The following DIP2C variants were observed in gnomAD, a reference collection of about 807,000 sequenced individuals.
The protein encoded by DIP2C is disco-interacting protein 2 homolog C.
Under a neutral mutation model 192.4 loss-of-function variants are expected in DIP2C, and 33 were observed. The observed-to-expected ratio is 0.17, with a 90% CI of 0.13 to 0.23. DIP2C has a LOEUF of 0.23. DIP2C is among the 10% of genes least tolerant of loss of function. The pLI is 1.00. For missense variants in DIP2C, 1,537 were observed against 2,110.1 expected (o/e 0.73, Z 5.32); for synonymous variants, 979 against 864.1 (o/e 1.13, Z -2.33).
At chr10:418,288 C>CCACCTA (rs1184026001) in intron 6 of DIP2C, among the ~76,000 whole-genome samples, 2 of 139,090 alleles carry the variant, frequency 1.4e-5, no homozygotes, top group African/African-American at 5.3e-5. Context: ...GCATCCCCGT[C>CCACCTA]CACCTGTCGG....
chr10:312,117 C>G (rs1017648631), intron 31 of DIP2C, among the ~76,000 whole-genome samples: 1 of 152,204 alleles, frequency 6.6e-6, no homozygotes, highest in Non-Finnish European at 1.5e-5. Context: ...GCGCTGGGCT[C>G]TCACACGGTC....
chr10:326,114 G>C lies in DIP2C; in HGVS notation c.3924+892C>G, dbSNP rs574431278. On this transcript the variant is annotated intron_variant, in intron 31 of 36. Transcript: ENST00000280886. ...GAGGGTTGCTTGAGCCTGGGAGCGG[G>C]GGGCAGGGGGTTGAGGCTGCAGTGA... Among the ~76,000 whole-genome samples the C allele has an allele frequency of 3.3e-5, 5 of 152,258 alleles. No homozygotes were observed. The East Asian group carries it at 5.8e-4, about 18-fold the overall frequency.
intron 1 of DIP2C, among the ~76,000 whole-genome samples, chr10:661,693 C>A (rs750401833): frequency 2.0e-5 from 3 of 152,200 alleles, no homozygotes; most frequent in Non-Finnish European, 2.9e-5. Context: ...CTTTGGCCTC[C>A]TCTCTCCCGA....
At chr10:347,249 C>A (rs1174369911) in intron 26 of DIP2C, among the ~76,000 whole-genome samples, 1 of 127,486 alleles carries the variant, frequency 7.8e-6, no homozygotes, top group South Asian at 2.9e-4. Flanking sequence ...CCGGAAACCC[C>A]ACACGCACCC....
Position 689,444 on chromosome 10 carries a change from G to C in DIP2C, c.85+50C>G. On this transcript the variant is annotated intron_variant, in intron 1 of 36. Coordinates refer to ENST00000280886, the MANE Select transcript of DIP2C (RefSeq NM_014974.3). This position sits in a 1 kb window ranked among gnomAD's most constrained non-coding sequence, Gnocchi z 6.1. ...CCCGCGCCCCCAGCCCTCCGCGCGC[G>C]GCCCTCCCCGGTGACAGCGCGGCCC... 9.7e-7 allele frequency: 1 copy of C among 1,030,808 alleles called. No homozygotes were observed. Among genetic ancestry groups the C allele is most frequent in the Non-Finnish European group, 1.2e-6 (1 of 855,668 alleles). 63.9% of individuals were successfully genotyped at this position (1,030,808 alleles called of 1,614,324 possible). A position where few individuals can be genotyped will look rare whatever the true frequency, so the allele number is the denominator to read the frequency against.
intron 29 of DIP2C, chr10:340,670 T>A (rs769872492): frequency 1.4e-5 from 6 of 429,934 alleles, no homozygotes; most frequent in Non-Finnish European, 2.9e-5. Flanking sequence ...TTTCTGGTCA[T>A]TCATTCATCC....
chr10:379,317 C>A lies in DIP2C; in HGVS notation c.1991+3330G>T, dbSNP rs146646623. Reference sequence around the variant, plus strand: ...CTCCCGGAAGTGCCCGTGCATCCTGCGTATTTATCAAGCGGGATACTGGAG... The same window carrying A: ...CTCCCGGAAGTGCCCGTGCATCCTGAGTATTTATCAAGCGGGATACTGGAG... On this transcript the variant is annotated intron_variant, in intron 17 of 36. Coordinates refer to ENST00000280886, the MANE Select transcript of DIP2C (RefSeq NM_014974.3). 7.9e-5 allele frequency among the ~76,000 whole-genome samples: 12 copies of A among 151,570 alleles called. No homozygotes were observed. In the East Asian group the frequency reaches 1.6e-3, roughly 20 times the overall value.
chr10:443,681 C>A (rs751835781), intron 3 of DIP2C, among the ~76,000 whole-genome samples: 1 of 152,214 alleles, frequency 6.6e-6, no homozygotes, highest in Non-Finnish European at 1.5e-5. Context: ...CCATTCCAGG[C>A]TTTGGCCTTT....
rs1168549984 is a variant in DIP2C, at chr10:552,686, T to TA, written c.86-66157dup. The stretch of plus-strand genomic sequence containing the variant: ...TAACACGGTGAAACCCCGTCTCTAG[T>TA]AAAAATACAAAAAATTAGCCAGGTG... On this transcript the variant is annotated intron_variant, in intron 1 of 36. Coordinates refer to ENST00000280886, the MANE Select transcript of DIP2C (RefSeq NM_014974.3). 6.6e-5 allele frequency among the ~76,000 whole-genome samples: 10 copies of TA among 152,234 alleles called. No homozygotes were observed. The East Asian group carries it at 1.9e-3, about 29-fold the overall frequency.
chr10:414,852 T>TTGTGTGTGTGTGTGTGTGTG lies in DIP2C; in HGVS notation c.860-762_860-743dup, dbSNP rs748231177. Among the ~76,000 whole-genome samples, 18 of 98,856 alleles carry TTGTGTGTGTGTGTGTGTGTG rather than the reference T, an allele frequency of 1.8e-4. 2 individuals carry two copies. Among genetic ancestry groups the TTGTGTGTGTGTGTGTGTGTG allele is most frequent in the South Asian group, 3.6e-4 (1 of 2,752 alleles). 64.9% of individuals were successfully genotyped at this position (98,856 alleles called of 152,430 possible). ...TATATATATACACACACATATATAT[T>TTGTGTGTGTGTGTGTGTGTG]TGTGTGTGTGTGTGTGTGTGTGTGT... On this transcript the variant is annotated intron_variant, in intron 7 of 36. Coordinates refer to ENST00000280886, the MANE Select transcript of DIP2C (RefSeq NM_014974.3).
chr10:677,204 T>A (rs1297371685), intron 1 of DIP2C, among the ~76,000 whole-genome samples: 4 of 152,184 alleles, frequency 2.6e-5, no homozygotes, highest in African/African-American at 9.7e-5. Context: ...AGCAAATGAA[T>A]CACCACAAAA....
chr10:301,216 G>A (rs969945548), intron 32 of DIP2C, among the ~76,000 whole-genome samples: 1 of 152,224 alleles, frequency 6.6e-6, no homozygotes, highest in Non-Finnish European at 1.5e-5. Context: ...GCTGTCAGGA[G>A]AGAGGGCCGT....
intron 1 of DIP2C, among the ~76,000 whole-genome samples, chr10:579,810 C>A (rs1437083441): frequency 6.6e-6 from 1 of 151,808 alleles, no homozygotes; most frequent in Admixed American, 6.6e-5. Flanking sequence ...CATAGGTACA[C>A]TATAATGTGT....
intron 4 of DIP2C, chr10:430,588 T>G (rs2133213790): frequency 6.6e-6 from 1 of 152,362 alleles, no homozygotes; most frequent in Admixed American, 6.5e-5. Flanking sequence ...AAGTTATCAT[T>G]TATGTCTTTT....
intron 29 of DIP2C, among the ~76,000 whole-genome samples, chr10:333,495 T>C (rs1412612225): frequency 6.6e-6 from 1 of 152,210 alleles, no homozygotes; most frequent in African/African-American, 2.4e-5. Context: ...GCTCATCCTG[T>C]GCAGAAGCAC....
intron 1 of DIP2C, among the ~76,000 whole-genome samples, chr10:540,582 G>C (rs1038287622): frequency 6.6e-6 from 1 of 152,242 alleles, no homozygotes; most frequent in Non-Finnish European, 1.5e-5. Context: ...GAAAGCTAGT[G>C]TTTGGTAGAC....
intron 1 of DIP2C, among the ~76,000 whole-genome samples, chr10:612,471 A>G (rs1430123808): frequency 6.6e-6 from 1 of 152,234 alleles, no homozygotes; most frequent in Non-Finnish European, 1.5e-5. Context: ...AAGCACAGTT[A>G]AGGAAATTTT....
intron 1 of DIP2C, among the ~76,000 whole-genome samples, chr10:619,541 G>A (rs7088809): frequency 0.26 from 17,442 of 67,790 alleles, 1,532 homozygotes; most frequent in African/African-American, 0.32. Flanking sequence ...CCGCCCGCCC[G>A]CCCTCCCACC....
intron 5 of DIP2C, among the ~76,000 whole-genome samples, chr10:422,220 G>C (rs957803377): frequency 1.3e-5 from 2 of 152,150 alleles, no homozygotes; most frequent in African/African-American, 4.8e-5. Context: ...ATTTACTACT[G>C]AACCGTTCAA....
Sources: allele counts gnomAD v4.1 joint callset (sites outside exome capture counted in the v4.1 genomes callset), GRCh38; gene constraint gnomAD v4.1.1; non-coding constraint Gnocchi (gnomAD v3.1); transcripts MANE v1.5; gene names NCBI Gene and HGNC (gene_info 2026-07-23, HGNC 2026-07-21).